The following PLIN5 variants were observed in gnomAD, a reference collection of about 807,000 sequenced individuals.
PLIN5 encodes perilipin-5.
A neutral mutation model predicts 32.8 loss-of-function variants in PLIN5; 34 were observed. The observed-to-expected ratio is 1.04, with a 90% CI of 0.79 to 1.38. The LOEUF is 1.38. Ranked by LOEUF, PLIN5 falls within the 40% of genes most tolerant of loss-of-function variation. PLIN5 has a pLI of 0.00. For synonymous variants in PLIN5, 309 were observed against 292.9 expected (o/e 1.05, Z -0.56); for missense variants, 712 against 660.5 (o/e 1.08, Z -0.85).
At position 4,530,002 on chromosome 19, in the gene PLIN5, A is replaced by T. The variant is rs144265522; in HGVS notation, c.257-136T>A. 593 of 505,778 alleles carry T rather than the reference A, an allele frequency of 1.2e-3. 13 individuals are homozygous for T. In the East Asian group the frequency reaches 0.018, roughly 15 times the overall value. The allele number at this position is 505,778 out of a possible 1,614,324, so 31.3% of individuals were successfully genotyped here. A position where few individuals can be genotyped will look rare whatever the true frequency, so the allele number is the denominator to read the frequency against. On this transcript the variant is annotated intron_variant, in intron 3 of 7. Transcript: ENST00000381848. Reference sequence around the variant, plus strand: ...GGAAGGAGACCAGGATAAGACAGGGAGAAACAAAACGGAATGATGGAGACG... The same window carrying T: ...GGAAGGAGACCAGGATAAGACAGGGTGAAACAAAACGGAATGATGGAGACG...
At position 4,526,693 on chromosome 19, in the gene PLIN5, A is replaced by T. The variant is rs888950123; in HGVS notation, c.521-861T>A. On this transcript the variant is annotated intron_variant, in intron 5 of 7. Coordinates refer to ENST00000381848, the MANE Select transcript of PLIN5 (RefSeq NM_001013706.3). Reference sequence around the variant, plus strand: ...CAAAAAACCCTGTCTCTAAAAAAGAAATACAGAAATTAGCCAGGGCTGGGC... The same window carrying T: ...CAAAAAACCCTGTCTCTAAAAAAGATATACAGAAATTAGCCAGGGCTGGGC... Among the ~76,000 whole-genome samples the T allele has an allele frequency of 3.9e-5, 6 of 152,012 alleles. No individual in the cohort carries two copies. In the East Asian group the frequency reaches 9.8e-4, roughly 25 times the overall value.
In PLIN5 at chr19:4,529,364, C is replaced by T. The variant is rs535520299; in HGVS notation, c.340-111G>A. The T allele has an allele frequency of 1.8e-5, 22 of 1,230,908 alleles. No individual in the cohort carries two copies. In the Admixed American group the frequency reaches 2.4e-4, roughly 13 times the overall value. The allele number at this position is 1,230,908 out of a possible 1,614,324, so 76.2% of individuals were successfully genotyped here. On this transcript the variant is annotated intron_variant, in intron 4 of 7. Coordinates refer to ENST00000381848, the MANE Select transcript of PLIN5 (RefSeq NM_001013706.3). ...AGATCCCTGGACTTCTACCTGGCTC[C>T]GTGCCTCAGTTTCCCCTATAAAATG...
In PLIN5 at chr19:4,529,773, G is replaced by A. The variant is rs576886863; in HGVS notation, c.339+11C>T. On this transcript the variant is annotated intron_variant, in intron 4 of 7. Coordinates refer to ENST00000381848, the MANE Select transcript of PLIN5 (RefSeq NM_001013706.3). ...CCACTGGAGGTCCCCATGTCTAGTC[G>A]TCCGGGGTACCGTCTCCGAAGGTTG... 45 of 1,610,632 alleles carry A rather than the reference G, an allele frequency of 2.8e-5. No homozygotes were observed. Among genetic ancestry groups the A allele is most frequent in the Middle Eastern group, 1.7e-4 (1 of 6,038 alleles).
At position 4,525,879 on chromosome 19, in the gene PLIN5, A is replaced by G; in HGVS notation, c.521-47T>C. ...CAGCACGGGGACAGGATACGGGGAC[A>G]GCACGGGGACAGGATACGGGGACAG... On this transcript the variant is annotated intron_variant, in intron 5 of 7. Coordinates refer to ENST00000381848, the MANE Select transcript of PLIN5 (RefSeq NM_001013706.3). The surrounding 1 kb of genome is among the most constrained non-coding windows in gnomAD (Gnocchi z 5.6). The G allele has an allele frequency of 9.9e-7, 1 of 1,011,714 alleles. No individual in the cohort carries two copies. Among genetic ancestry groups the G allele is most frequent in the Non-Finnish European group, 1.4e-6 (1 of 719,924 alleles). 62.7% of individuals were successfully genotyped at this position (1,011,714 alleles called of 1,614,324 possible). A position where few individuals can be genotyped will look rare whatever the true frequency, so the allele number is the denominator to read the frequency against.
chr19:4,524,327 G>A (rs370363619), intron 7 of PLIN5, among the ~76,000 whole-genome samples: 8 of 152,152 alleles, frequency 5.3e-5, no homozygotes, highest in African/African-American at 1.4e-4. Flanking sequence ...CGAGTCGGGC[G>A]GATCACCTGA....
chr19:4,525,972 C>G lies in PLIN5; in HGVS notation c.521-140G>C. On this transcript the variant is annotated intron_variant, in intron 5 of 7. Transcript: ENST00000381848. This position sits in a 1 kb window ranked among gnomAD's most constrained non-coding sequence, Gnocchi z 5.6. Reference sequence around the variant, plus strand: ...GGACAGCACGGGGACAGCATGGGGTCAGCACAGCCACCCACCCCCTCCACA... The same window carrying G: ...GGACAGCACGGGGACAGCATGGGGTGAGCACAGCCACCCACCCCCTCCACA... 2 of 844,880 alleles carry G rather than the reference C, an allele frequency of 2.4e-6. No individual in the cohort carries two copies. Among genetic ancestry groups the G allele is most frequent in the Non-Finnish European group, 3.7e-6 (2 of 544,516 alleles). The allele number at this position is 844,880 out of a possible 1,614,324, so 52.3% of individuals were successfully genotyped here.
chr19:4,528,745 C>G (rs1168386289), intron 5 of PLIN5: 1 of 219,738 alleles, frequency 4.6e-6, no homozygotes, highest in African/African-American at 2.3e-5. Context: ...AGAATCGGGA[C>G]ATGTAATGCA....
chr19:4,523,447 A>T lies in PLIN5; in HGVS notation c.*81T>A, dbSNP rs7254972. ...AAGAAGGGTCAAGGCCAAGGCCTCG[A>T]GCTTACGTGTGGCCACCAGGGGGCA... On this transcript the variant is annotated 3_prime_UTR_variant, in exon 8 of 8. Coordinates refer to ENST00000381848, the MANE Select transcript of PLIN5 (RefSeq NM_001013706.3). This position sits in a 1 kb window ranked among gnomAD's most constrained non-coding sequence, Gnocchi z 5.0. The T allele has an allele frequency of 0.02, 29,492 of 1,448,666 alleles. 4,287 individuals are homozygous for T. The African/African-American group carries it at 0.34, about 17-fold the overall frequency. 89.7% of individuals were successfully genotyped at this position (1,448,666 alleles called of 1,614,324 possible).
intron 1 of PLIN5, among the ~76,000 whole-genome samples, chr19:4,534,517 C>T (rs1247446740): frequency 6.6e-6 from 1 of 152,290 alleles, no homozygotes. Flanking sequence ...GGATTACCCA[C>T]GTGCCACCAT....
At chr19:4,529,736 TCTG>T in intron 4 of PLIN5, 45 bp downstream of exon 4, 1 of 1,017,764 alleles carries the variant, frequency 9.8e-7, no homozygotes, top group Non-Finnish European at 1.5e-6. Context: ...CCGCCTCTAA[TCTG>T]GCCTGCCCCC....
chr19:4,530,495 G>A lies in PLIN5; in HGVS notation c.257-629C>T, dbSNP rs73542190. 2.5e-3 allele frequency among the ~76,000 whole-genome samples: 376 copies of A among 152,164 alleles called. 1 individual carries two copies. Among genetic ancestry groups the A allele is most frequent in the African/African-American group, 8.3e-3 (346 of 41,492 alleles). ...CACAGAGATGTGAGAACTACAGAGCGGAGGCTGCGGGGCTTAGGACAGGCA... is the reference window on the plus strand; with the variant it reads ...CACAGAGATGTGAGAACTACAGAGCAGAGGCTGCGGGGCTTAGGACAGGCA... On this transcript the variant is annotated intron_variant, in intron 3 of 7. Transcript: ENST00000381848.
chr19:4,528,198 C>G (rs552465360), intron 5 of PLIN5, among the ~76,000 whole-genome samples: 1 of 150,898 alleles, frequency 6.6e-6, no homozygotes, highest in Non-Finnish European at 1.5e-5. Flanking sequence ...CCTGAGCCAC[C>G]GTGCCCGGCC....
At chr19:4,533,963 C>T (rs754736513) in intron 2 of PLIN5, 52 bp downstream of exon 2, 3 of 1,578,112 alleles carry the variant, frequency 1.9e-6, no homozygotes, top group East Asian at 2.3e-5. Flanking sequence ...CTAGAAGGGA[C>T]TGTCCCACAC....
chr19:4,525,131 G>A lies in PLIN5; in HGVS notation c.721-55C>T. 1.1e-6 allele frequency: 1 copy of A among 934,980 alleles called. No homozygotes were observed. 57.9% of individuals were successfully genotyped at this position (934,980 alleles called of 1,614,324 possible). ...GCTGGGGGAGCTGGGGGAGCTGGGG[G>A]TCGGGGTGGGGTCCAGGACCACTGA... On this transcript the variant is annotated intron_variant, in intron 6 of 7. Coordinates refer to ENST00000381848, the MANE Select transcript of PLIN5 (RefSeq NM_001013706.3). The surrounding 1 kb of genome is among the most constrained non-coding windows in gnomAD (Gnocchi z 5.6).
In PLIN5 at chr19:4,524,979, C is replaced by T. The variant is rs1177514743; in HGVS notation, c.818G>A (p.Ser273Asn). 2.6e-6 allele frequency: 4 copies of T among 1,531,492 alleles called. No homozygotes were observed. The highest frequency in any genetic ancestry group is 3.5e-6 in the Non-Finnish European group (4 of 1,139,494). 94.9% of individuals were successfully genotyped at this position (1,531,492 alleles called of 1,614,324 possible). A position where few individuals can be genotyped will look rare whatever the true frequency, so the allele number is the denominator to read the frequency against. Residue 273 changes from serine (S) to asparagine (N), a missense_variant, in exon 7 of 8, where the codon AGC becomes AAC. Ser to Asn is a conservative substitution (Grantham distance 46). Transcript: ENST00000381848. ...WGEWGQRPPESRRRSQAELET... is the reference protein window; with the variant it reads ...WGEWGQRPPENRRRSQAELET... The stretch of plus-strand genomic sequence containing the variant: ...CGGTCTCACCTGGCTCCGGCGGCGG[C>T]TCTCCGGAGGGCGCTGGCCCCATTC...
At chr19:4,527,851 A>T (rs1976825973) in intron 5 of PLIN5, among the ~76,000 whole-genome samples, 1 of 152,024 alleles carries the variant, frequency 6.6e-6, no homozygotes, top group Non-Finnish European at 1.5e-5. Flanking sequence ...TGTCTCAAAA[A>T]AAAAGAAAAA....
chr19:4,533,950 C>T (rs765434048), intron 2 of PLIN5, 65 bp downstream of exon 2: 1 of 1,554,394 alleles, frequency 6.4e-7, no homozygotes, highest in Admixed American at 1.9e-5. Context: ...GCCTGAAACG[C>T]TCCTAGAAGG....
intron 4 of PLIN5, 37 bp downstream of exon 4, chr19:4,529,747 C>A: frequency 6.3e-7 from 1 of 1,577,986 alleles, no homozygotes; most frequent in Non-Finnish European, 8.7e-7. Context: ...CTGGCCTGCC[C>A]CCACTGGAGG....
intron 7 of PLIN5, among the ~76,000 whole-genome samples, 161 bp downstream of exon 7, chr19:4,524,802 T>TCC (rs149356175): frequency 6.6e-5 from 10 of 151,330 alleles, no homozygotes; most frequent in African/African-American, 2.4e-4. Context: ...TGCCTCAGTT[T>TCC]CCCCCCCCAG....
Sources: gnomAD v4.1 joint callset for allele counts (sites outside exome capture counted in the v4.1 genomes callset) on GRCh38, gnomAD v4.1.1 for gene constraint, Gnocchi (gnomAD v3.1) non-coding constraint, MANE v1.5 for transcripts, NCBI Gene and HGNC (gene_info 2026-07-23, HGNC 2026-07-21) for gene names.